Variants in LRP1B observed in about 807,000 individuals in gnomAD.
The protein encoded by LRP1B is low-density lipoprotein receptor-related protein 1B.
A neutral mutation model predicts 556.6 loss-of-function variants in LRP1B; 217 were observed. That is an observed-to-expected ratio of 0.39 (90% CI 0.35 to 0.44). The LOEUF (loss-of-function observed/expected upper bound fraction) is 0.44, where lower values mean the gene tolerates loss of function less well. Ranked by LOEUF, LRP1B falls within the 20% of genes least tolerant of loss-of-function variation. The pLI is 1.00. For missense variants in LRP1B, 5,053 were observed against 5,620.8 expected (o/e 0.90, Z 3.23); for synonymous variants, 2,047 against 1,865.8 (o/e 1.10, Z -2.50).
intron 1 of LRP1B, among the ~76,000 whole-genome samples, chr2:141,922,969 C>T (rs569836292): frequency 1.4e-4 from 22 of 151,978 alleles, no homozygotes; most frequent in Middle Eastern, 3.4e-3. Flanking sequence ...CGTAGTGGTG[C>T]ATGCCTATAG....
intron 23 of LRP1B, among the ~76,000 whole-genome samples, chr2:140,896,268 T>C (rs530187966): frequency 2.6e-5 from 4 of 152,194 alleles, no homozygotes; most frequent in East Asian, 3.9e-4. Flanking sequence ...TTGAGATATA[T>C]TAAATAGAAA....
chr2:141,522,920 A>G (rs1184221877), intron 2 of LRP1B, among the ~76,000 whole-genome samples: 1 of 152,136 alleles, frequency 6.6e-6, no homozygotes, highest in African/African-American at 2.4e-5. Flanking sequence ...TGAACTAATG[A>G]CATAGACAGA....
At chr2:140,650,979 T>C (rs1203065507) in intron 41 of LRP1B, among the ~76,000 whole-genome samples, 1 of 152,106 alleles carries the variant, frequency 6.6e-6, no homozygotes, top group East Asian at 1.9e-4. Context: ...ACCCCATGTC[T>C]CTTAGCTAGT....
chr2:140,890,155 T>C (rs1288286823), intron 23 of LRP1B, among the ~76,000 whole-genome samples: 1 of 145,746 alleles, frequency 6.9e-6, no homozygotes, highest in Non-Finnish European at 1.5e-5. Context: ...AACTTGTGTA[T>C]ATATAAAAGC....
At chr2:140,538,627 A>G (rs969846227) in intron 45 of LRP1B, among the ~76,000 whole-genome samples, 2 of 152,096 alleles carry the variant, frequency 1.3e-5, no homozygotes, top group African/African-American at 4.8e-5. Flanking sequence ...GCAGAATGTC[A>G]TTTAAGACAA....
intron 16 of LRP1B, among the ~76,000 whole-genome samples, chr2:140,992,099 T>A (rs1697109645): frequency 6.6e-6 from 1 of 151,930 alleles, no homozygotes; most frequent in South Asian, 2.1e-4. Context: ...ATTTTCTGAG[T>A]CAATCTAAGG....
intron 2 of LRP1B, among the ~76,000 whole-genome samples, chr2:141,670,553 G>A (rs1690627919): frequency 6.6e-6 from 1 of 152,168 alleles, no homozygotes; most frequent in African/African-American, 2.4e-5. Context: ...TGGATCAGAA[G>A]CATATGATGT....
chr2:141,225,317 G>A (rs1683201778), intron 6 of LRP1B, among the ~76,000 whole-genome samples: 1 of 152,252 alleles, frequency 6.6e-6, no homozygotes, highest in Admixed American at 6.5e-5. Flanking sequence ...GACAATGAAA[G>A]TGTTTACTGT....
At chr2:140,816,017 C>T (rs1482796342) in intron 31 of LRP1B, among the ~76,000 whole-genome samples, 3 of 152,042 alleles carry the variant, frequency 2.0e-5, no homozygotes, top group African/African-American at 4.8e-5. Context: ...AATTAATAAA[C>T]ATCAAATAAA....
intron 2 of LRP1B, among the ~76,000 whole-genome samples, chr2:141,760,714 G>A (rs1031064130): frequency 2.0e-5 from 3 of 152,096 alleles, no homozygotes; most frequent in African/African-American, 4.8e-5. Flanking sequence ...AGAACACTAC[G>A]TGATGGATTT....
At chr2:140,744,176 AACATATATCATTGCATTGCATTGATAT>A (rs1373413593) in intron 35 of LRP1B, among the ~76,000 whole-genome samples, 2 of 152,032 alleles carry the variant, frequency 1.3e-5, no homozygotes, top group Non-Finnish European at 2.9e-5. Flanking sequence ...CATTATACAA[AACATATATCATTGCATTGCATTGATAT>A]ACATATACCA....
chr2:141,461,414 T>C (rs1021833923), intron 3 of LRP1B, among the ~76,000 whole-genome samples: 6 of 152,160 alleles, frequency 3.9e-5, no homozygotes, highest in African/African-American at 1.2e-4. Flanking sequence ...GTATGCTTAA[T>C]AGAGATGAAA....
At chr2:141,134,014 T>G (rs1036085170) in intron 7 of LRP1B, among the ~76,000 whole-genome samples, 2 of 151,854 alleles carry the variant, frequency 1.3e-5, no homozygotes, top group African/African-American at 4.8e-5. Flanking sequence ...GAGAGGGACT[T>G]GATCTCTTAC....
intron 6 of LRP1B, among the ~76,000 whole-genome samples, chr2:141,199,381 A>G (rs1433860979): frequency 6.6e-6 from 1 of 152,134 alleles, no homozygotes; most frequent in Non-Finnish European, 1.5e-5. Context: ...GTTTTAATCA[A>G]CGGCAGGTTT....
chr2:142,032,185 G>A (rs906730861), intron 1 of LRP1B, among the ~76,000 whole-genome samples: 2 of 151,820 alleles, frequency 1.3e-5, no homozygotes, highest in African/African-American at 2.4e-5. Context: ...TCAACAGGTA[G>A]AAACCAACTC....
chr2:141,219,651 C>A (rs186345337), intron 6 of LRP1B, among the ~76,000 whole-genome samples: 59 of 152,234 alleles, frequency 3.9e-4, no homozygotes, highest in African/African-American at 1.4e-3. Flanking sequence ...CCAACAAGGG[C>A]CATGAGACAC....
intron 2 of LRP1B, among the ~76,000 whole-genome samples, chr2:141,686,077 A>G (rs1339856485): frequency 1.3e-5 from 2 of 152,024 alleles, no homozygotes; most frequent in African/African-American, 4.8e-5. Flanking sequence ...TTCAATGTTC[A>G]TATTAAATTT....
At chr2:140,727,285 C>T (rs1442748549) in intron 35 of LRP1B, among the ~76,000 whole-genome samples, 3 of 152,088 alleles carry the variant, frequency 2.0e-5, no homozygotes, top group Non-Finnish European at 4.4e-5. Context: ...ATTTTTATGG[C>T]ACAATAATTT....
chr2:140,726,378 G>T (rs1687594130), intron 35 of LRP1B, among the ~76,000 whole-genome samples: 2 of 152,190 alleles, frequency 1.3e-5, no homozygotes, highest in South Asian at 4.2e-4. Context: ...TTATATTATA[G>T]GCACCAGATC....
Sources: gnomAD v4.1 joint callset for allele counts (sites outside exome capture counted in the v4.1 genomes callset) on GRCh38, gnomAD v4.1.1 for gene constraint, MANE v1.5 for transcripts, NCBI Gene and HGNC (gene_info 2026-07-23, HGNC 2026-07-21) for gene names.